The following CPEB1 variants were observed in gnomAD, a reference collection of about 807,000 sequenced individuals.
The protein encoded by CPEB1 is cytoplasmic polyadenylation element binding protein 1.
CPEB1 carries 7 observed loss-of-function variants against 65.8 expected under a neutral mutation model. The observed-to-expected ratio is 0.11, with a 90% CI of 0.06 to 0.20. The LOEUF is 0.20. Among genes scored for constraint, CPEB1 ranks in the 10% least tolerant of loss-of-function variants. The probability of loss-of-function intolerance (pLI) is 1.00; values close to 1 mark genes in which losing one functional copy is unlikely to be tolerated. For synonymous variants in CPEB1, 262 were observed against 260.0 expected (o/e 1.01, Z -0.08); for missense variants, 551 against 712.2 (o/e 0.77, Z 2.58).
intron 9 of CPEB1, among the ~76,000 whole-genome samples, chr15:82,550,810 T>C (rs747924376): frequency 1.2e-4 from 19 of 152,118 alleles, no homozygotes; most frequent in Non-Finnish European, 2.4e-4. Context: ...ATATTGGCTA[T>C]GTTGGTGCTG....
At chr15:82,578,400 A>C (rs1275165171) in intron 3 of CPEB1, among the ~76,000 whole-genome samples, 1 of 152,170 alleles carries the variant, frequency 6.6e-6, no homozygotes, top group Non-Finnish European at 1.5e-5. Flanking sequence ...TTCCCCATCT[A>C]CTTATTTTAT....
intron 3 of CPEB1, among the ~76,000 whole-genome samples, chr15:82,581,903 CATTCCCA>C (rs1385153974): frequency 2.0e-5 from 3 of 152,314 alleles, no homozygotes; most frequent in African/African-American, 7.2e-5. Context: ...AAGAATTACC[CATTCCCA>C]TGACTACAGA....
chr15:82,638,084 A>G (rs987348479), intron 1 of CPEB1: 1 of 372,528 alleles, frequency 2.7e-6, no homozygotes, highest in Non-Finnish European at 5.6e-6. Flanking sequence ...GTCATGTGTT[A>G]TTCTGGTTGA....
intron 7 of CPEB1, 89 bp from the exon 8 acceptor site, chr15:82,553,645 C>T (rs1596005179): frequency 1.0e-6 from 1 of 988,056 alleles, no homozygotes; most frequent in South Asian, 1.4e-5. Flanking sequence ...ATTCTCCTCC[C>T]TGGCTCATCC....
At chr15:82,558,888 G>A (rs762393538) in intron 4 of CPEB1, among the ~76,000 whole-genome samples, 5 of 151,572 alleles carry the variant, frequency 3.3e-5, no homozygotes, top group Non-Finnish European at 5.9e-5. Flanking sequence ...TGAGAATAAG[G>A]AATAAGAGGG....
chr15:82,643,472 T>C (rs1412468149), intron 1 of CPEB1, among the ~76,000 whole-genome samples: 5 of 151,770 alleles, frequency 3.3e-5, no homozygotes, highest in East Asian at 1.9e-4. Flanking sequence ...TTAGTAAAAA[T>C]ACAAAAATTA....
intron 3 of CPEB1, among the ~76,000 whole-genome samples, chr15:82,610,083 T>C (rs1314771499): frequency 6.8e-6 from 1 of 147,842 alleles, no homozygotes; most frequent in African/African-American, 2.5e-5. Flanking sequence ...AAAAAATTAC[T>C]ATGAATAATT....
intron 1 of CPEB1, among the ~76,000 whole-genome samples, chr15:82,645,350 A>C (rs2047416593): frequency 6.6e-6 from 1 of 151,798 alleles, no homozygotes; most frequent in Non-Finnish European, 1.5e-5. Flanking sequence ...ACGGGAATTC[A>C]CCTTGTTGGC....
At chr15:82,628,115 A>G in intron 2 of CPEB1, 1 of 678,460 alleles carries the variant, frequency 1.5e-6, no homozygotes. Flanking sequence ...AGAGAAGGTC[A>G]TGAAAGTCTA....
At position 82,580,078 on chromosome 15, in the gene CPEB1, T is replaced by C. The variant is rs565556370; in HGVS notation, c.272-8546A>G. Among the ~76,000 whole-genome samples, 12 of 150,748 alleles carry C rather than the reference T, an allele frequency of 8.0e-5. No individual in the cohort carries two copies. The South Asian group carries it at 1.3e-3, about 16-fold the overall frequency. On this transcript the variant is annotated intron_variant, in intron 3 of 12. Transcript: ENST00000684509. ...GGCTCACACCTGTAATCCCAGCACATTGGGAGGCCAAGGCAGGCGGATAAT... is the reference window on the plus strand; with the variant it reads ...GGCTCACACCTGTAATCCCAGCACACTGGGAGGCCAAGGCAGGCGGATAAT...
chr15:82,597,476 C>G (rs2042755609), intron 3 of CPEB1, among the ~76,000 whole-genome samples: 1 of 152,158 alleles, frequency 6.6e-6, no homozygotes, highest in African/African-American at 2.4e-5. Context: ...AAGCGAGAAA[C>G]AAAGACAGTT....
chr15:82,602,291 T>C (rs1404917717), intron 3 of CPEB1, among the ~76,000 whole-genome samples: 1 of 152,020 alleles, frequency 6.6e-6, no homozygotes, highest in East Asian at 1.9e-4. Flanking sequence ...TAGAAAATAG[T>C]CAACTAAATG....
chr15:82,584,756 A>T lies in CPEB1; in HGVS notation c.272-13224T>A, dbSNP rs114172440. Among the ~76,000 whole-genome samples the T allele has an allele frequency of 7.7e-3, 1,177 of 151,928 alleles. 17 individuals are homozygous for T. The highest frequency in any genetic ancestry group is 0.026 in the African/African-American group (1,075 of 41,446). ...ATGTAGCCTTGAAAAGGGATATAAA[A>T]AATTAACACAAAGATAAAAGAGGCA... is the stretch of plus-strand genomic sequence containing the variant. On this transcript the variant is annotated intron_variant, in intron 3 of 12. Transcript: ENST00000684509.
At position 82,553,483 on chromosome 15, in the gene CPEB1, G is replaced by A. The variant is rs367990857; in HGVS notation, c.1128C>T (p.Pro376=). ...GCATATTACCTTTGGGAGGACACCG[G>A]GGATGCTTGCCATCCTTACCAGGCC... is the stretch of plus-strand genomic sequence containing the variant. ...VEWPGKDGKH[P]RCPPKGYVYL... is the part of the protein sequence containing the mutation. Residue 376 remains proline, a synonymous_variant, in exon 8 of 13, where the codon CCC becomes CCT. Coordinates refer to ENST00000684509, the MANE Select transcript of CPEB1 (RefSeq NM_001365242.1). 6.2e-7 allele frequency: 1 copy of A among 1,613,644 alleles called. No homozygotes were observed. The highest frequency in any genetic ancestry group is 1.3e-5 in the African/African-American group (1 of 74,900).
At chr15:82,635,516 T>C (rs1338302277) in intron 1 of CPEB1, among the ~76,000 whole-genome samples, 1 of 152,200 alleles carries the variant, frequency 6.6e-6, no homozygotes, top group African/African-American at 2.4e-5. Context: ...GGAATAAAAA[T>C]TTATCAGGTT....
intron 1 of CPEB1, among the ~76,000 whole-genome samples, chr15:82,636,356 T>C (rs2046659820): frequency 6.6e-6 from 1 of 152,218 alleles, no homozygotes; most frequent in East Asian, 1.9e-4. Flanking sequence ...AAGTCTATCT[T>C]ACCCTGCATC....
chr15:82,622,179 G>C (rs900077350), intron 3 of CPEB1, among the ~76,000 whole-genome samples: 3 of 152,104 alleles, frequency 2.0e-5, no homozygotes, highest in Admixed American at 6.5e-5. Context: ...CTAGGTGGCA[G>C]ACATCCCTGT....
chr15:82,644,206 A>G (rs1037603280), intron 1 of CPEB1, among the ~76,000 whole-genome samples: 1 of 152,346 alleles, frequency 6.6e-6, no homozygotes, highest in Admixed American at 6.5e-5. Flanking sequence ...TGACTTCTAC[A>G]GCAACTGGGA....
intron 3 of CPEB1, among the ~76,000 whole-genome samples, chr15:82,582,554 A>T (rs1354844119): frequency 6.6e-6 from 1 of 152,138 alleles, no homozygotes; most frequent in Non-Finnish European, 1.5e-5. Context: ...GTTGGTCTCA[A>T]ATACAGGGAC....
Sources: allele counts gnomAD v4.1 joint callset (sites outside exome capture counted in the v4.1 genomes callset), GRCh38; gene constraint gnomAD v4.1.1; transcripts MANE v1.5; gene names NCBI Gene and HGNC (gene_info 2026-07-23, HGNC 2026-07-21).